SHB: variants seen among roughly 807,000 people sequenced by gnomAD.
SHB encodes the protein SH2 domain-containing adapter protein B.
A neutral mutation model predicts 52.3 loss-of-function variants in SHB; 20 were observed. The ratio of observed to expected loss-of-function variants is 0.38; its 90% CI spans 0.27 to 0.56. The LOEUF is 0.56. Among genes scored for constraint, SHB ranks in the 20% least tolerant of loss-of-function variants. The pLI, the probability that SHB is intolerant of heterozygous loss-of-function variation, is 0.71. For synonymous variants in SHB, 397 were observed against 316.5 expected, an observed-to-expected ratio of 1.25 and a Z score of -2.70; for missense variants, 825 against 723.3, an observed-to-expected ratio of 1.14 and a Z score of -1.61.
chr9:38,041,786 G>A (rs918709363), intron 1 of SHB, among the ~76,000 whole-genome samples: 7 of 152,104 alleles, frequency 4.6e-5, no homozygotes, highest in South Asian at 2.1e-4. Flanking sequence ...GACAGGGGCC[G>A]GTACTGAATG....
intron 1 of SHB, among the ~76,000 whole-genome samples, chr9:38,028,621 G>A (rs774701023): frequency 2.0e-5 from 3 of 152,186 alleles, no homozygotes; most frequent in Non-Finnish European, 4.4e-5. Flanking sequence ...CCTCTAACCC[G>A]GCAAGGCCAG....
intron 1 of SHB, among the ~76,000 whole-genome samples, chr9:38,030,479 C>T (rs945070913): frequency 9.9e-5 from 15 of 152,142 alleles, no homozygotes; most frequent in African/African-American, 2.4e-4. Flanking sequence ...TCAGGCATAA[C>T]GGGGATTTTA....
intron 1 of SHB, among the ~76,000 whole-genome samples, chr9:38,022,429 G>A (rs16934721): frequency 0.013 from 1,996 of 152,330 alleles, 43 homozygotes; most frequent in African/African-American, 0.045. Context: ...CTGTGAGAGG[G>A]TCACTCTGAG....
intron 3 of SHB, among the ~76,000 whole-genome samples, chr9:37,967,738 G>A (rs1447802089): frequency 1.3e-5 from 2 of 152,244 alleles, no homozygotes; most frequent in Non-Finnish European, 2.9e-5. Context: ...CCCTGGGGGT[G>A]GAACCCCAGC....
At chr9:37,949,888 G>A (rs1832544632) in intron 4 of SHB, among the ~76,000 whole-genome samples, 1 of 152,144 alleles carries the variant, frequency 6.6e-6, no homozygotes, top group African/African-American at 2.4e-5. Context: ...CCGTGCAGAG[G>A]GCCCGACTCA....
At chr9:38,029,543 G>A (rs1821387281) in intron 1 of SHB, among the ~76,000 whole-genome samples, 1 of 151,988 alleles carries the variant, frequency 6.6e-6, no homozygotes, top group African/African-American at 2.4e-5. Context: ...CCAGGGTGAA[G>A]TGCAATGGCG....
In SHB at chr9:38,061,801, CAG is replaced by C. The variant is rs755804865; in HGVS notation, c.717+6126_717+6127del. Among the ~76,000 whole-genome samples, 13 of 152,224 alleles carry C rather than the reference CAG, an allele frequency of 8.5e-5. No homozygotes were observed. The East Asian group carries it at 2.3e-3, about 27-fold the overall frequency. On this transcript the variant is annotated intron_variant, in intron 1 of 5. Transcript: ENST00000377707. ...TGTACCGCCAGTCTCTTCCTCCAAACAGAGCACACACAGCCCGGCAAATCCTT... is the reference window on the plus strand; with the variant it reads ...TGTACCGCCAGTCTCTTCCTCCAAACAGCACACACAGCCCGGCAAATCCTT...
At chr9:37,921,745 C>T (rs115297400) in intron 5 of SHB, among the ~76,000 whole-genome samples, 42 of 152,318 alleles carry the variant, frequency 2.8e-4, no homozygotes, top group Middle Eastern at 3.4e-3. Flanking sequence ...AGAAAGGAAA[C>T]GGCATGTGTG....
chr9:37,991,051 G>C (rs1820874488), intron 2 of SHB, among the ~76,000 whole-genome samples: 1 of 152,138 alleles, frequency 6.6e-6, no homozygotes. Context: ...CTTACTCAGA[G>C]CACATATTAC....
chr9:38,002,594 C>T (rs1379854360), intron 2 of SHB, among the ~76,000 whole-genome samples: 6 of 152,148 alleles, frequency 3.9e-5, no homozygotes, highest in Admixed American at 3.9e-4. Context: ...TGAGAACCCT[C>T]CTCCCACACC....
chr9:37,962,509 C>CTT (rs61534080), intron 3 of SHB, among the ~76,000 whole-genome samples: 68 of 145,720 alleles, frequency 4.7e-4, no homozygotes, highest in East Asian at 1.0e-3. Flanking sequence ...CTTCATCTTT[C>CTT]TTTTTTTTTT....
At chr9:37,951,662 T>C (rs1463454798) in intron 4 of SHB, among the ~76,000 whole-genome samples, 2 of 152,388 alleles carry the variant, frequency 1.3e-5, no homozygotes, top group East Asian at 1.9e-4. Context: ...GAGCAAGCTC[T>C]GCTCTGAGAT....
At chr9:37,993,903 C>A (rs1349739241) in intron 2 of SHB, among the ~76,000 whole-genome samples, 2 of 152,134 alleles carry the variant, frequency 1.3e-5, no homozygotes, top group Non-Finnish European at 2.9e-5. Context: ...CAAAGACCTA[C>A]AAAAAACTTA....
chr9:38,008,826 A>G (rs1821103290), intron 2 of SHB, among the ~76,000 whole-genome samples: 1 of 152,198 alleles, frequency 6.6e-6, no homozygotes, highest in African/African-American at 2.4e-5. Context: ...GGTGAGAGGC[A>G]GCAGGACAGA....
At chr9:38,020,895 G>C (rs1389069192) in intron 1 of SHB, among the ~76,000 whole-genome samples, 1 of 152,226 alleles carries the variant, frequency 6.6e-6, no homozygotes, top group Non-Finnish European at 1.5e-5. Flanking sequence ...ACCCACAGCA[G>C]CTTTCAGGCC....
chr9:37,949,063 A>G (rs1832529225), intron 4 of SHB, among the ~76,000 whole-genome samples: 1 of 152,144 alleles, frequency 6.6e-6, no homozygotes, highest in Non-Finnish European at 1.5e-5. Context: ...AGGCTCATGG[A>G]GCTGGGGGCT....
chr9:37,978,994 G>C (rs536034327), intron 2 of SHB, among the ~76,000 whole-genome samples: 1 of 152,274 alleles, frequency 6.6e-6, no homozygotes, highest in South Asian at 2.1e-4. Flanking sequence ...TTCTCTCCTG[G>C]GAGAGGCTCA....
intron 5 of SHB, among the ~76,000 whole-genome samples, chr9:37,933,167 A>T (rs1349788626): frequency 6.6e-6 from 1 of 152,240 alleles, no homozygotes; most frequent in Non-Finnish European, 1.5e-5. Flanking sequence ...TTTGCAAATT[A>T]TATGAATGAC....
rs1236973401 is a variant in SHB at position 37,999,680 on chromosome 9, G to A, written c.838+16331C>T. ...GCAGCAGCCCAACCACCAGCAGCACGTGGGAGGCTTCTGTGTTCTGGGAGA... is the reference window on the plus strand; with the variant it reads ...GCAGCAGCCCAACCACCAGCAGCACATGGGAGGCTTCTGTGTTCTGGGAGA... On this transcript the variant is annotated intron_variant, in intron 2 of 5. Coordinates refer to ENST00000377707, the MANE Select transcript of SHB (RefSeq NM_003028.3). Among the ~76,000 whole-genome samples, 6 of 152,140 alleles carry A rather than the reference G, an allele frequency of 3.9e-5. No individual in the cohort carries two copies. In the South Asian group the frequency reaches 6.2e-4, roughly 16 times the overall value.
Sources: gnomAD v4.1 joint callset for allele counts (sites outside exome capture counted in the v4.1 genomes callset) on GRCh38, gnomAD v4.1.1 for gene constraint, MANE v1.5 for transcripts, NCBI Gene and HGNC (gene_info 2026-07-23, HGNC 2026-07-21) for gene names.